BACH2: variants seen among roughly 807,000 people sequenced by gnomAD.
The protein encoded by BACH2 is BACH transcriptional regulator 2, also known as transcription regulator protein BACH2.
A neutral mutation model predicts 61.8 loss-of-function variants in BACH2; 5 were observed. The ratio of observed to expected loss-of-function variants is 0.08; its 90% CI spans 0.04 to 0.17. The LOEUF is 0.17. BACH2 is among the 10% of genes least tolerant of loss of function. BACH2 has a pLI of 1.00. For synonymous variants in BACH2, 446 were observed against 440.1 expected, an observed-to-expected ratio of 1.01 and a Z score of -0.17; for missense variants, 824 against 1,091.1, an observed-to-expected ratio of 0.76 and a Z score of 3.45.
At chr6:90,106,730 AC>A (rs1235991074) in intron 4 of BACH2, among the ~76,000 whole-genome samples, 14 of 152,226 alleles carry the variant, frequency 9.2e-5, no homozygotes, top group Admixed American at 5.9e-4. Flanking sequence ...CTGATTAAAT[AC>A]CTCTAATGAG....
chr6:89,979,198 G>C (rs1280682602), intron 6 of BACH2, among the ~76,000 whole-genome samples: 1 of 152,118 alleles, frequency 6.6e-6, no homozygotes, highest in South Asian at 2.1e-4. Flanking sequence ...GGCATTCAAG[G>C]CTTCAGGGCT....
intron 4 of BACH2, among the ~76,000 whole-genome samples, chr6:90,159,564 T>C (rs1034137237): frequency 1.3e-5 from 2 of 152,188 alleles, no homozygotes; most frequent in South Asian, 4.1e-4. Flanking sequence ...GAAGTCCACA[T>C]CTCTTCCAGA....
chr6:89,957,731 G>C (rs1279508584), intron 6 of BACH2, among the ~76,000 whole-genome samples: 1 of 152,098 alleles, frequency 6.6e-6, no homozygotes, highest in Non-Finnish European at 1.5e-5. Flanking sequence ...AGTAGAGACG[G>C]GGTTTCACTA....
chr6:90,291,967 AG>A (rs1437234337), intron 1 of BACH2, among the ~76,000 whole-genome samples: 2 of 152,224 alleles, frequency 1.3e-5, no homozygotes, highest in Non-Finnish European at 2.9e-5. Flanking sequence ...AGACAGGGAA[AG>A]GAGAAAAACA....
intron 2 of BACH2, among the ~76,000 whole-genome samples, chr6:90,271,407 GA>G (rs374114454): frequency 1.3e-4 from 18 of 141,518 alleles, no homozygotes; most frequent in Admixed American, 4.9e-4. Flanking sequence ...GAAAGGAAAA[GA>G]AAAAAAAAGA....
At chr6:89,955,843 TAACA>T (rs1774398049) in intron 6 of BACH2, among the ~76,000 whole-genome samples, 1 of 152,122 alleles carries the variant, frequency 6.6e-6, no homozygotes, top group Non-Finnish European at 1.5e-5. Context: ...TTTTTGTTCT[TAACA>T]AATAAGGCTC....
chr6:90,059,108 G>C (rs1780537953), intron 5 of BACH2, among the ~76,000 whole-genome samples: 1 of 152,176 alleles, frequency 6.6e-6, no homozygotes, highest in Non-Finnish European at 1.5e-5. Flanking sequence ...GGCAACAAAA[G>C]ACAAAATTGA....
At chr6:90,012,352 G>C (rs891374306) in intron 5 of BACH2, among the ~76,000 whole-genome samples, 1 of 151,936 alleles carries the variant, frequency 6.6e-6, no homozygotes, top group Non-Finnish European at 1.5e-5. Flanking sequence ...CTCAGCAGCC[G>C]GGCATGGTGG....
chr6:90,254,132 C>CA (rs1770901185), intron 2 of BACH2, among the ~76,000 whole-genome samples: 1 of 149,866 alleles, frequency 6.7e-6, no homozygotes, highest in South Asian at 2.1e-4. Flanking sequence ...AAATAAACCC[C>CA]AAAAGATAAG....
intron 4 of BACH2, among the ~76,000 whole-genome samples, chr6:90,139,985 T>C (rs1784410626): frequency 1.3e-5 from 2 of 152,206 alleles, no homozygotes; most frequent in Admixed American, 1.3e-4. Flanking sequence ...TCCAGGATGA[T>C]ACGGAGCTTC....
chr6:89,965,064 T>G (rs1774979943), intron 6 of BACH2, among the ~76,000 whole-genome samples: 1 of 152,080 alleles, frequency 6.6e-6, no homozygotes, highest in Admixed American at 6.6e-5. Flanking sequence ...TTTTTGTATT[T>G]TTAGTAGAGA....
intron 5 of BACH2, among the ~76,000 whole-genome samples, chr6:90,030,817 C>G (rs546270257): frequency 6.6e-6 from 1 of 151,806 alleles, no homozygotes; most frequent in South Asian, 2.1e-4. Flanking sequence ...CTATTCCAAT[C>G]AATAGAAAAA....
chr6:90,064,966 G>A (rs935344325), intron 5 of BACH2, among the ~76,000 whole-genome samples: 6 of 152,016 alleles, frequency 3.9e-5, no homozygotes, highest in East Asian at 3.9e-4. Flanking sequence ...CACTGGGGTC[G>A]GGAAGAATGG....
Position 90,243,076 on chromosome 6 carries a change from T to C in BACH2, c.-275+9437A>G, listed in dbSNP as rs1370493461. On this transcript the variant is annotated intron_variant, in intron 3 of 8. Coordinates refer to ENST00000257749, the MANE Select transcript of BACH2 (RefSeq NM_021813.4). ...TTTTTTTTTTTTTTTTTTTTTTTAG[T>C]AGAGACAAGGTTTCTCCATGTTGGT... is the stretch of plus-strand genomic sequence containing the variant. 1.1e-4 allele frequency among the ~76,000 whole-genome samples: 14 copies of C among 130,126 alleles called. No homozygotes were observed. In the East Asian group the frequency reaches 2.7e-3, roughly 25 times the overall value. 85.4% of individuals were successfully genotyped at this position (130,126 alleles called of 152,430 possible). A position where few individuals can be genotyped will look rare whatever the true frequency, so the allele number is the denominator to read the frequency against.
At chr6:89,985,794 C>T (rs1776207322) in intron 6 of BACH2, among the ~76,000 whole-genome samples, 1 of 152,200 alleles carries the variant, frequency 6.6e-6, no homozygotes, top group Non-Finnish European at 1.5e-5. Context: ...AACTGAAAGC[C>T]CCTTCCAACA....
At chr6:90,004,622 C>A (rs923691876) in intron 6 of BACH2, among the ~76,000 whole-genome samples, 1 of 152,200 alleles carries the variant, frequency 6.6e-6, no homozygotes, top group Non-Finnish European at 1.5e-5. Context: ...CACATCCCCT[C>A]CCTGTCCTCT....
At chr6:90,276,144 G>T (rs606745) in intron 1 of BACH2, among the ~76,000 whole-genome samples, 1 of 152,118 alleles carries the variant, frequency 6.6e-6, no homozygotes, top group East Asian at 1.9e-4. Flanking sequence ...AGCAATACAT[G>T]TGTAAAACGT....
At chr6:90,024,987 CCTCTT>C in intron 5 of BACH2, among the ~76,000 whole-genome samples, 1 of 152,204 alleles carries the variant, frequency 6.6e-6, no homozygotes, top group Non-Finnish European at 1.5e-5. Context: ...TCCATCCTCT[CCTCTT>C]GTCTCCACCC....
At chr6:90,109,991 CAT>C (rs1346590238) in intron 4 of BACH2, among the ~76,000 whole-genome samples, 1 of 152,144 alleles carries the variant, frequency 6.6e-6, no homozygotes, top group East Asian at 1.9e-4. Flanking sequence ...ACACAAATCA[CAT>C]ATTTTATGAA....
Sources: allele counts gnomAD v4.1 joint callset (sites outside exome capture counted in the v4.1 genomes callset), GRCh38; gene constraint gnomAD v4.1.1; transcripts MANE v1.5; gene names NCBI Gene and HGNC (gene_info 2026-07-23, HGNC 2026-07-21).